The following NEIL3 variants were observed in gnomAD, a reference collection of about 807,000 sequenced individuals.
NEIL3 encodes the protein nei like DNA glycosylase 3.
In NEIL3, 48 loss-of-function variants were observed where a neutral mutation model predicts 57.5. The observed-to-expected ratio is 0.83, with a 90% CI of 0.66 to 1.06. The LOEUF is 1.06. Ranked by LOEUF, NEIL3 falls within the 50% of genes least tolerant of loss-of-function variation. The pLI, the probability that NEIL3 is intolerant of heterozygous loss-of-function variation, is 0.00. For synonymous variants in NEIL3, 261 were observed against 253.2 expected, an observed-to-expected ratio of 1.03 and a Z score of -0.29; for missense variants, 717 against 739.1, an observed-to-expected ratio of 0.97 and a Z score of 0.35.
chr4:177,342,446 T>G (rs1165745801), intron 6 of NEIL3, among the ~76,000 whole-genome samples: 1 of 152,172 alleles, frequency 6.6e-6, no homozygotes, highest in East Asian at 1.9e-4. Flanking sequence ...TATATGTGAT[T>G]ATAAGATTAT....
At chr4:177,344,941 G>A (rs944367727) in intron 6 of NEIL3, among the ~76,000 whole-genome samples, 3 of 152,090 alleles carry the variant, frequency 2.0e-5, no homozygotes, top group South Asian at 4.1e-4. Flanking sequence ...AACAGAGGAG[G>A]TAGTCTTTAC....
intron 6 of NEIL3, among the ~76,000 whole-genome samples, chr4:177,349,996 C>A (rs938664918): frequency 2.6e-5 from 4 of 152,158 alleles, no homozygotes; most frequent in Non-Finnish European, 5.9e-5. Context: ...TGTAGAAGAT[C>A]TGATATTCCA....
chr4:177,315,113 AGT>A (rs1482283897), intron 1 of NEIL3, among the ~76,000 whole-genome samples: 4 of 151,630 alleles, frequency 2.6e-5, no homozygotes, highest in East Asian at 1.9e-4. Flanking sequence ...TGGGGGGAAA[AGT>A]GTGTGAGGAA....
chr4:177,349,711 G>A lies in NEIL3; in HGVS notation c.870-1669G>A, dbSNP rs189324090. 2.2e-4 allele frequency among the ~76,000 whole-genome samples: 33 copies of A among 152,282 alleles called. 1 individual carries two copies. Among genetic ancestry groups the A allele is most frequent in the Admixed American group, 2.1e-3 (32 of 15,306 alleles). Reference sequence around the variant, plus strand: ...TTTGGGATTCTTCTTACACATCCAAGTGGAGATTGGGAAGAATTTATTAAT... The same window carrying A: ...TTTGGGATTCTTCTTACACATCCAAATGGAGATTGGGAAGAATTTATTAAT... On this transcript the variant is annotated intron_variant, in intron 6 of 9. Transcript: ENST00000264596.
Position 177,351,423 on chromosome 4 carries a change from A to T in NEIL3, c.913A>T (p.Arg305Trp), listed in dbSNP as rs762900438. 1.2e-6 allele frequency: 2 copies of T among 1,613,798 alleles called. No individual in the cohort carries two copies. The highest frequency in any genetic ancestry group is 1.3e-5 in the African/African-American group (1 of 74,932). Residue 305 changes from arginine (R) to tryptophan (W), a missense_variant, in exon 7 of 10, where the codon AGG becomes TGG. By Grantham distance (101) the Arg-to-Trp change is moderately radical. Coordinates refer to ENST00000264596, the MANE Select transcript of NEIL3 (RefSeq NM_018248.3). ...TACTATAATCAGTTGGACATCTAGC[A>T]GGGTGGATCATGTTATGGACTCCGT... ...RNTIISWTSS[R>W]VDHVMDSVAR...
At chr4:177,348,817 C>CATGAGAT (rs140469940) in intron 6 of NEIL3, among the ~76,000 whole-genome samples, 17,076 of 144,716 alleles carry the variant, frequency 0.12, 1,325 homozygotes, top group Admixed American at 0.23. Context: ...CATTTCCTGA[C>CATGAGAT]ATGAGATAGA....
chr4:177,345,604 A>G (rs2110918856), intron 6 of NEIL3, among the ~76,000 whole-genome samples: 1 of 148,456 alleles, frequency 6.7e-6, no homozygotes, highest in East Asian at 2.0e-4. Context: ...GATGGTCTCG[A>G]TCTCTTGGCC....
At chr4:177,335,634 G>A in intron 2 of NEIL3, 54 bp from the exon 3 acceptor site, 2 of 1,556,824 alleles carry the variant, frequency 1.3e-6, no homozygotes, top group South Asian at 2.4e-5. Context: ...CAGGAAAAAA[G>A]CTTGATAAAT....
intron 8 of NEIL3, among the ~76,000 whole-genome samples, chr4:177,356,264 T>C (rs1215239571): frequency 6.6e-6 from 1 of 152,202 alleles, no homozygotes; most frequent in Non-Finnish European, 1.5e-5. Context: ...AACATTAATG[T>C]AACCTTAAAT....
At chr4:177,361,288 C>T (rs1458443258) in intron 9 of NEIL3, among the ~76,000 whole-genome samples, 4 of 152,062 alleles carry the variant, frequency 2.6e-5, no homozygotes, top group African/African-American at 9.7e-5. Flanking sequence ...CGGTATTCCT[C>T]GGTGTGAGCA....
At chr4:177,320,462 CTGTCTTT>C (rs1163889931) in intron 1 of NEIL3, among the ~76,000 whole-genome samples, 2 of 110,694 alleles carry the variant, frequency 1.8e-5, no homozygotes, top group African/African-American at 6.7e-5. Context: ...GAAGTGACTG[CTGTCTTT>C]TTTTTTTTTT....
At chr4:177,335,856 A>C in intron 3 of NEIL3, 34 bp downstream of exon 3, 1 of 1,504,988 alleles carries the variant, frequency 6.6e-7, no homozygotes, top group African/African-American at 1.4e-5. Flanking sequence ...CTTACGCTGC[A>C]ATACTGCAGA....
At chr4:177,342,665 T>TAA (rs3215158) in intron 6 of NEIL3, among the ~76,000 whole-genome samples, 1 of 151,948 alleles carries the variant, frequency 6.6e-6, no homozygotes, top group Non-Finnish European at 1.5e-5. Context: ...TGACTAGACT[T>TAA]AAAAAAAGTA....
chr4:177,326,576 G>A (rs1372626283), intron 2 of NEIL3, among the ~76,000 whole-genome samples: 4 of 150,862 alleles, frequency 2.7e-5, no homozygotes, highest in Admixed American at 2.6e-4. Context: ...GACTTAGCTT[G>A]TTGATTTCTA....
At chr4:177,366,864 A>G (rs141483084), downstream of NEIL3, among the ~76,000 whole-genome samples, 155 of 152,230 alleles carry the variant, frequency 1.0e-3, 1 homozygote, top group South Asian at 0.018. Context: ...GGACCAATTG[A>G]GTAAATTGTA....
intron 7 of NEIL3, among the ~76,000 whole-genome samples, chr4:177,352,232 A>C (rs10011938): frequency 0.065 from 9,846 of 152,222 alleles, 890 homozygotes; most frequent in African/African-American, 0.21. Flanking sequence ...GTCAACTGTC[A>C]TATTGTGTTT....
At chr4:177,323,412 T>A (rs1734724317) in intron 2 of NEIL3, among the ~76,000 whole-genome samples, 1 of 152,176 alleles carries the variant, frequency 6.6e-6, no homozygotes, top group Non-Finnish European at 1.5e-5. Context: ...CAAAGGTGAA[T>A]AATTGTCACA....
intron 2 of NEIL3, among the ~76,000 whole-genome samples, chr4:177,325,354 T>G (rs929791499): frequency 6.6e-6 from 1 of 152,136 alleles, no homozygotes; most frequent in Non-Finnish European, 1.5e-5. Context: ...TTAAGATTCA[T>G]TCATACTGTT....
chr4:177,311,555 T>C (rs1447555807), intron 1 of NEIL3, among the ~76,000 whole-genome samples: 1 of 151,312 alleles, frequency 6.6e-6, no homozygotes, highest in East Asian at 2.0e-4. Context: ...ATGCCTGTAA[T>C]CCCAGCTACT....
Sources: allele counts gnomAD v4.1 joint callset (sites outside exome capture counted in the v4.1 genomes callset), GRCh38; gene constraint gnomAD v4.1.1; transcripts MANE v1.5; gene names NCBI Gene and HGNC (gene_info 2026-07-23, HGNC 2026-07-21).